Variants in KBTBD12 observed in about 807,000 individuals in gnomAD.
KBTBD12 encodes kelch repeat and BTB domain-containing protein 12.
KBTBD12 carries 53 observed loss-of-function variants against 58.7 expected under a neutral mutation model. The observed-to-expected ratio is 0.90, with a 90% confidence interval of 0.72 to 1.14. The LOEUF (loss-of-function observed/expected upper bound fraction) is 1.14, where lower values mean the gene tolerates loss of function less well. KBTBD12 is among the 50% of genes most tolerant of loss of function. KBTBD12 has a pLI of 0.00. For synonymous variants in KBTBD12, 236 were observed against 259.8 expected (o/e 0.91, Z 0.88); for missense variants, 704 against 751.3 (o/e 0.94, Z 0.74).
intron 4 of KBTBD12, among the ~76,000 whole-genome samples, chr3:127,945,794 T>C (rs1314131738): frequency 6.6e-6 from 1 of 151,802 alleles, no homozygotes; most frequent in Non-Finnish European, 1.5e-5. Context: ...CTTTTCTGCC[T>C]TAGCCTCCCG....
rs759611459 is a variant in KBTBD12 at position 127,919,758 on chromosome 3, C to T, written c.-112-3192C>T. 1.3e-3 allele frequency among the ~76,000 whole-genome samples: 194 copies of T among 151,950 alleles called. 2 individuals carry two copies. The highest frequency in any genetic ancestry group is 1.9e-3 in the Non-Finnish European group (129 of 67,998). ...ACCCTGACACATTAAAAAGAAAATTCATGATGTATCTATTATCTCTCTCTC... is the reference window on the plus strand; with the variant it reads ...ACCCTGACACATTAAAAAGAAAATTTATGATGTATCTATTATCTCTCTCTC... On this transcript the variant is annotated intron_variant, in intron 1 of 5. Coordinates refer to ENST00000405109, the MANE Select transcript of KBTBD12 (RefSeq NM_207335.4).
intron 3 of KBTBD12, among the ~76,000 whole-genome samples, chr3:127,929,052 C>T (rs1184675133): frequency 6.6e-6 from 1 of 152,114 alleles, no homozygotes; most frequent in Non-Finnish European, 1.5e-5. Context: ...GTTAATTTTG[C>T]ATGCATAAGC....
At chr3:127,959,654 A>G (rs9882669) in intron 4 of KBTBD12, among the ~76,000 whole-genome samples, 36,586 of 152,172 alleles carry the variant, frequency 0.24, 5,188 homozygotes, top group South Asian at 0.38. Context: ...CACACCGTGC[A>G]TGAGAATAGG....
intron 5 of KBTBD12, among the ~76,000 whole-genome samples, chr3:127,970,719 A>G (rs1489905821): frequency 6.6e-6 from 1 of 152,222 alleles, no homozygotes; most frequent in Non-Finnish European, 1.5e-5. Context: ...CATTTATATG[A>G]AATGTCCAGA....
chr3:127,978,494 ATAGCC>A (rs989847203), intron 5 of KBTBD12, among the ~76,000 whole-genome samples: 81 of 152,348 alleles, frequency 5.3e-4, no homozygotes, highest in African/African-American at 1.9e-3. Flanking sequence ...GGACTCAAAG[ATAGCC>A]TGAAGCCTGG....
chr3:127,962,505 T>C (rs1461663477), intron 4 of KBTBD12, among the ~76,000 whole-genome samples: 1 of 152,224 alleles, frequency 6.6e-6, no homozygotes, highest in East Asian at 1.9e-4. Flanking sequence ...AACACGGCCC[T>C]TTCCATCCTA....
At chr3:127,945,100 A>G (rs1283965712) in intron 4 of KBTBD12, among the ~76,000 whole-genome samples, 1 of 129,990 alleles carries the variant, frequency 7.7e-6, no homozygotes, top group East Asian at 2.3e-4. Context: ...GGGTTTCTCC[A>G]TGTTGCCTAG....
At chr3:127,982,133 G>A (rs1940884708) in intron 5 of KBTBD12, among the ~76,000 whole-genome samples, 1 of 152,112 alleles carries the variant, frequency 6.6e-6, no homozygotes. Flanking sequence ...CTGGCTTCTG[G>A]ATGGTTCAGT....
chr3:127,934,451 A>T (rs1427229885), intron 4 of KBTBD12, among the ~76,000 whole-genome samples: 1 of 152,160 alleles, frequency 6.6e-6, no homozygotes, highest in Non-Finnish European at 1.5e-5. Context: ...AGTCAGATGG[A>T]ATATCAAACC....
chr3:127,932,962 A>G (rs1939741027), intron 4 of KBTBD12, among the ~76,000 whole-genome samples: 1 of 152,182 alleles, frequency 6.6e-6, no homozygotes, highest in Non-Finnish European at 1.5e-5. Flanking sequence ...GAAAAACCTA[A>G]AAACATTGTA....
intron 1 of KBTBD12, among the ~76,000 whole-genome samples, chr3:127,918,336 G>A (rs1233701069): frequency 1.3e-5 from 2 of 152,200 alleles, no homozygotes; most frequent in African/African-American, 4.8e-5. Context: ...AGTGATATCT[G>A]AGCTGAATTT....
At chr3:127,970,458 C>T (rs1940663127) in intron 5 of KBTBD12, among the ~76,000 whole-genome samples, 1 of 152,162 alleles carries the variant, frequency 6.6e-6, no homozygotes, top group Admixed American at 6.5e-5. Flanking sequence ...TATGCCCACC[C>T]TTGTACCTGA....
chr3:127,943,511 A>G (rs1372943088), intron 4 of KBTBD12, among the ~76,000 whole-genome samples: 1 of 152,076 alleles, frequency 6.6e-6, no homozygotes, highest in African/African-American at 2.4e-5. Flanking sequence ...AAATCTATTC[A>G]GGTCCCTTGC....
Position 127,924,067 on chromosome 3 carries a change from G to A in KBTBD12, c.1006G>A (p.Val336Met), listed in dbSNP as rs1939504729. ...GVVMENNTII[V>M]AGEASASKLS... ...TGTCATGGAAAATAATACTATAATT[G>A]TGGCTGGAGAAGCAAGTGCCTCTAA... Residue 336 changes from valine to methionine, a missense_variant, in exon 2 of 6, where the codon GTG becomes ATG. Coordinates refer to ENST00000405109, the MANE Select transcript of KBTBD12 (RefSeq NM_207335.4). 6.2e-7 allele frequency: 1 copy of A among 1,613,718 alleles called. No individual in the cohort carries two copies. Among genetic ancestry groups the A allele is most frequent in the Non-Finnish European group, 8.5e-7 (1 of 1,179,720 alleles).
intron 4 of KBTBD12, among the ~76,000 whole-genome samples, chr3:127,952,477 CCT>C (rs1468405922): frequency 6.6e-6 from 1 of 152,044 alleles, no homozygotes; most frequent in Non-Finnish European, 1.5e-5. Context: ...TTGCTCTCTC[CCT>C]GTTATGTTAC....
Position 127,923,730 on chromosome 3 carries a change from A to G in KBTBD12, c.669A>G (p.Glu223=). The change falls in exon 2 of 6, where the codon GAA becomes GAG. Residue 223 remains glutamate, a synonymous_variant. Coordinates refer to ENST00000405109, the MANE Select transcript of KBTBD12 (RefSeq NM_207335.4). ...AGCTTTTGAAGCAAGTCAGATTGGA[A>G]CTTGTAAATCCTTCTTTTTTAAGAC... ...LVELLKQVRL[E]LVNPSFLRQA... is the part of the protein sequence containing the mutation. 7.4e-6 allele frequency: 12 copies of G among 1,613,894 alleles called. No individual in the cohort carries two copies. The highest frequency in any genetic ancestry group is 1.0e-5 in the Non-Finnish European group (12 of 1,179,816).
At chr3:127,931,489 C>T (rs1939700103) in intron 4 of KBTBD12, among the ~76,000 whole-genome samples, 1 of 152,030 alleles carries the variant, frequency 6.6e-6, no homozygotes, top group South Asian at 2.1e-4. Flanking sequence ...ATGTATCACT[C>T]AAGGGGATGA....
At chr3:127,967,242 G>T (rs1253670000) in intron 5 of KBTBD12, among the ~76,000 whole-genome samples, 1 of 152,134 alleles carries the variant, frequency 6.6e-6, no homozygotes, top group Admixed American at 6.5e-5. Flanking sequence ...GAATGGAGCC[G>T]GTCAAAGGGC....
intron 4 of KBTBD12, among the ~76,000 whole-genome samples, chr3:127,935,942 ATAGAG>A (rs1287034390): frequency 6.6e-6 from 1 of 152,240 alleles, no homozygotes; most frequent in Non-Finnish European, 1.5e-5. Flanking sequence ...ATCAGACAAA[ATAGAG>A]TAGAACTTTT....
Sources: allele counts gnomAD v4.1 joint callset (sites outside exome capture counted in the v4.1 genomes callset), GRCh38; gene constraint gnomAD v4.1.1; transcripts MANE v1.5; gene names NCBI Gene and HGNC (gene_info 2026-07-23, HGNC 2026-07-21).